The following ZNF407 variants were observed in gnomAD, a reference collection of about 807,000 sequenced individuals.
ZNF407 encodes the protein zinc finger protein 407.
ZNF407 carries 17 observed loss-of-function variants against 131.2 expected under a neutral mutation model. The ratio of observed to expected loss-of-function variants is 0.13; its 90% CI spans 0.09 to 0.19. The LOEUF (loss-of-function observed/expected upper bound fraction) is 0.19. ZNF407 is among the 10% of genes least tolerant of loss of function. The probability of loss-of-function intolerance (pLI) is 1.00; values close to 1 mark genes in which losing one functional copy is unlikely to be tolerated. For missense variants in ZNF407, 2,681 were observed against 2,830.6 expected (o/e 0.95, Z 1.20); for synonymous variants, 1,156 against 1,062.0 (o/e 1.09, Z -1.72).
intron 8 of ZNF407, among the ~76,000 whole-genome samples, chr18:74,942,827 A>C (rs1972114867): frequency 6.6e-6 from 1 of 152,200 alleles, no homozygotes; most frequent in Non-Finnish European, 1.5e-5. Flanking sequence ...GCATCTTATG[A>C]GAATCCACTT....
At chr18:75,013,468 C>A (rs1228977455) in intron 8 of ZNF407, among the ~76,000 whole-genome samples, 1 of 151,962 alleles carries the variant, frequency 6.6e-6, no homozygotes, top group African/African-American at 2.4e-5. Flanking sequence ...TAAAAAAGGC[C>A]CCTAAGAGGT....
At chr18:74,998,763 G>A (rs1972807187) in intron 8 of ZNF407, among the ~76,000 whole-genome samples, 1 of 103,418 alleles carries the variant, frequency 9.7e-6, no homozygotes, top group African/African-American at 4.0e-5. Context: ...CTGTAAACTA[G>A]TTCAACCATT....
At chr18:74,821,437 CA>C (rs1176489443) in intron 4 of ZNF407, among the ~76,000 whole-genome samples, 1 of 150,544 alleles carries the variant, frequency 6.6e-6, no homozygotes, top group African/African-American at 2.4e-5. Flanking sequence ...CACCCCACAA[CA>C]GGCCCCCGTG....
chr18:74,916,778 G>A (rs1599241809), intron 7 of ZNF407, among the ~76,000 whole-genome samples: 2 of 139,812 alleles, frequency 1.4e-5, no homozygotes, highest in South Asian at 2.5e-4. Flanking sequence ...GGTTCGAATC[G>A]GGAGTGTGTG....
At chr18:74,628,996 A>G (rs1367509672) in intron 1 of ZNF407, among the ~76,000 whole-genome samples, 3 of 152,212 alleles carry the variant, frequency 2.0e-5, no homozygotes, top group Non-Finnish European at 2.9e-5. Context: ...GCTGTTATGA[A>G]TAAGTACTGC....
intron 3 of ZNF407, among the ~76,000 whole-genome samples, chr18:74,652,439 C>T (rs141795767): frequency 0.019 from 2,859 of 151,960 alleles, 35 homozygotes; most frequent in Middle Eastern, 0.044. Flanking sequence ...ATCATGGAAA[C>T]GTTACTGTGG....
intron 3 of ZNF407, among the ~76,000 whole-genome samples, chr18:74,755,728 C>CCTTCCTTTCTTCCTTT: frequency 1.6e-5 from 1 of 63,480 alleles, no homozygotes. Flanking sequence ...TTCTTTCTTT[C>CCTTCCTTTCTTCCTTT]CTTTCTTTCT....
At chr18:74,676,556 C>G (rs941245658) in intron 3 of ZNF407, among the ~76,000 whole-genome samples, 2 of 151,834 alleles carry the variant, frequency 1.3e-5, no homozygotes, top group Non-Finnish European at 2.9e-5. Flanking sequence ...CCTGCCTCAA[C>G]CTCCCGAGTA....
At chr18:74,868,132 G>A (rs1971038747) in intron 4 of ZNF407, among the ~76,000 whole-genome samples, 1 of 152,276 alleles carries the variant, frequency 6.6e-6, no homozygotes, top group African/African-American at 2.4e-5. Flanking sequence ...CCATTGACAT[G>A]CAAAGGAAAC....
chr18:74,660,794 G>T (rs1985680184), intron 3 of ZNF407, among the ~76,000 whole-genome samples: 2 of 152,094 alleles, frequency 1.3e-5, no homozygotes, highest in Non-Finnish European at 2.9e-5. Flanking sequence ...TTTTGAAAGG[G>T]CAATGAATCT....
chr18:74,663,895 C>T (rs531447307), intron 3 of ZNF407, among the ~76,000 whole-genome samples: 3 of 152,290 alleles, frequency 2.0e-5, no homozygotes, highest in African/African-American at 4.8e-5. Context: ...GACCAAACTA[C>T]GGCCTGGACC....
chr18:74,616,863 C>T (rs1983316129), intron 1 of ZNF407, among the ~76,000 whole-genome samples: 1 of 47,722 alleles, frequency 2.1e-5, no homozygotes, highest in Admixed American at 2.2e-4. Flanking sequence ...ATCCACACAC[C>T]ACACGCATCC....
chr18:74,823,089 A>T (rs1344667537), intron 4 of ZNF407, among the ~76,000 whole-genome samples: 1 of 152,140 alleles, frequency 6.6e-6, no homozygotes, highest in African/African-American at 2.4e-5. Flanking sequence ...GGTGTATAGG[A>T]ATTTCATATC....
intron 1 of ZNF407, among the ~76,000 whole-genome samples, 183 bp from the exon 2 acceptor site, chr18:74,630,784 C>T (rs1181255279): frequency 6.6e-6 from 1 of 152,142 alleles, no homozygotes; most frequent in African/African-American, 2.4e-5. Flanking sequence ...AATAGGGTGA[C>T]ATGGTGTTCC....
At position 74,631,397 on chromosome 18, in the gene ZNF407, T is replaced by C. The variant is rs1187916225; in HGVS notation, c.378T>C (p.Cys126=). Residue 126 remains cysteine (C), a synonymous_variant, in exon 2 of 9, where the codon TGT becomes TGC. Transcript: ENST00000299687. ...GTGACTGCACAGTTGGAGGCACATG[T>C]CTCCCAAATGCCCTCTCCCCTTCTT... ...FLSDCTVGGT[C]LPNALSPSCN... The C allele has an allele frequency of 6.2e-6, 10 of 1,614,012 alleles. No homozygotes were observed. The highest frequency in any genetic ancestry group is 7.6e-6 in the Non-Finnish European group (9 of 1,179,892).
chr18:74,617,066 C>T (rs1983335571), intron 1 of ZNF407, among the ~76,000 whole-genome samples: 2 of 66,938 alleles, frequency 3.0e-5, no homozygotes, highest in South Asian at 4.2e-4. Flanking sequence ...CACACACATC[C>T]ATATCCACAC....
chr18:74,949,791 A>T (rs1055689254), intron 8 of ZNF407, among the ~76,000 whole-genome samples: 2 of 152,178 alleles, frequency 1.3e-5, no homozygotes, highest in Non-Finnish European at 2.9e-5. Flanking sequence ...GAGGTGCCAC[A>T]GTCTCCAGAC....
chr18:74,689,435 A>G (rs1967169699), intron 3 of ZNF407, among the ~76,000 whole-genome samples: 1 of 152,200 alleles, frequency 6.6e-6, no homozygotes. Flanking sequence ...TTGCATTGTC[A>G]TCCCCTTGCA....
intron 8 of ZNF407, among the ~76,000 whole-genome samples, chr18:75,026,097 C>T (rs1973168007): frequency 6.6e-6 from 1 of 151,782 alleles, no homozygotes; most frequent in South Asian, 2.1e-4. Flanking sequence ...TTCTGTCTTG[C>T]CTGAACAGAA....
Sources: allele counts gnomAD v4.1 joint callset (sites outside exome capture counted in the v4.1 genomes callset), GRCh38; gene constraint gnomAD v4.1.1; transcripts MANE v1.5; gene names NCBI Gene and HGNC (gene_info 2026-07-23, HGNC 2026-07-21).